The following WDR49 variants were observed in gnomAD, a reference collection of about 807,000 sequenced individuals.
WDR49 encodes cilia- and flagella-associated protein 337.
A neutral mutation model predicts 119.5 loss-of-function variants in WDR49; 107 were observed. The ratio of observed to expected loss-of-function variants is 0.90; its 90% confidence interval spans 0.77 to 1.05. The LOEUF (loss-of-function observed/expected upper bound fraction) is 1.05. Among genes scored for constraint, WDR49 ranks in the 50% least tolerant of loss-of-function variants. The pLI is 0.00. For missense variants in WDR49, 1,240 were observed against 1,220.5 expected, an observed-to-expected ratio of 1.02 and a Z score of -0.24; for synonymous variants, 425 against 418.8, an observed-to-expected ratio of 1.01 and a Z score of -0.18.
intron 3 of WDR49, among the ~76,000 whole-genome samples, chr3:167,626,595 A>C (rs893233578): frequency 1.3e-5 from 2 of 152,080 alleles, no homozygotes; most frequent in Non-Finnish European, 2.9e-5. Context: ...GTCCTGCTGT[A>C]AACTATACAG....
intron 2 of WDR49, among the ~76,000 whole-genome samples, chr3:167,632,191 T>A (rs1307765415): frequency 6.6e-6 from 1 of 152,136 alleles, no homozygotes; most frequent in Non-Finnish European, 1.5e-5. Flanking sequence ...GCAGGATCTC[T>A]ATATTTTCTT....
At chr3:167,530,083 T>A (rs1339470332) in intron 13 of WDR49, among the ~76,000 whole-genome samples, 1 of 152,034 alleles carries the variant, frequency 6.6e-6, no homozygotes, top group Non-Finnish European at 1.5e-5. Context: ...ATATTGTGAG[T>A]ATAAGCAAGT....
intron 15 of WDR49, among the ~76,000 whole-genome samples, chr3:167,527,164 C>T (rs1752666195): frequency 2.0e-5 from 3 of 152,034 alleles, no homozygotes; most frequent in African/African-American, 7.2e-5. Flanking sequence ...GAGTTAAAAA[C>T]AAAACTCTAC....
intron 10 of WDR49, among the ~76,000 whole-genome samples, chr3:167,540,262 T>G (rs1418007893): frequency 6.6e-6 from 1 of 152,128 alleles, no homozygotes; most frequent in Admixed American, 6.5e-5. Flanking sequence ...TAAATATATC[T>G]ACAAGGACTC....
intron 5 of WDR49, among the ~76,000 whole-genome samples, chr3:167,618,512 G>C (rs765789950): frequency 2.0e-5 from 3 of 152,086 alleles, no homozygotes; most frequent in Non-Finnish European, 2.9e-5. Flanking sequence ...TTATCTGCTT[G>C]ATTATAATGA....
chr3:167,598,309 A>C (rs923886265), intron 7 of WDR49, among the ~76,000 whole-genome samples: 1 of 152,070 alleles, frequency 6.6e-6, no homozygotes, highest in Non-Finnish European at 1.5e-5. Context: ...CATCTCAAAA[A>C]AAAAAAGAAG....
At chr3:167,621,317 G>T in intron 4 of WDR49, 150 bp downstream of exon 4, 2 of 814,956 alleles carry the variant, frequency 2.5e-6, no homozygotes, top group Non-Finnish European at 3.5e-6. Flanking sequence ...GACAAATTGT[G>T]ACCTAATCCA....
chr3:167,503,633 T>C (rs1253673544), intron 17 of WDR49, among the ~76,000 whole-genome samples: 2 of 151,932 alleles, frequency 1.3e-5, no homozygotes, highest in Non-Finnish European at 2.9e-5. Context: ...CAGCAATGAG[T>C]GCCTTGCTGG....
intron 6 of WDR49, among the ~76,000 whole-genome samples, chr3:167,603,613 A>T (rs1176472230): frequency 6.6e-6 from 1 of 152,108 alleles, no homozygotes; most frequent in Non-Finnish European, 1.5e-5. Flanking sequence ...CTACCCTATT[A>T]ATTTTTCAAT....
rs1333372570 is a variant in WDR49, at chr3:167,531,116, T to C, written c.2217A>G (p.Thr739=). The C allele has an allele frequency of 1.3e-5, 21 of 1,608,234 alleles. No homozygotes were observed. The highest frequency in any genetic ancestry group is 1.8e-5 in the Non-Finnish European group (21 of 1,178,278). Residue 739 remains threonine, a splice_region_variant and synonymous_variant, in exon 13 of 19, where the codon ACA becomes ACG. Coordinates refer to ENST00000682715, the MANE Select transcript of WDR49 (RefSeq NM_001366157.1). ...GTAAAATGTAAATATATATTTTACC[T>C]GTCACTGCAGTGTTTTTTCTTGCTT... ...FLKARKNTAV[T]GGANLVSCGG...
At chr3:167,525,661 C>T (rs1752604832) in intron 15 of WDR49, among the ~76,000 whole-genome samples, 1 of 152,064 alleles carries the variant, frequency 6.6e-6, no homozygotes, top group South Asian at 2.1e-4. Flanking sequence ...TCTTCTTATC[C>T]CACAATCACC....
chr3:167,617,542 A>T (rs921095934), intron 5 of WDR49, among the ~76,000 whole-genome samples: 9 of 152,162 alleles, frequency 5.9e-5, no homozygotes, highest in African/African-American at 2.2e-4. Context: ...ACAAACAAAG[A>T]AACAAACCTT....
At chr3:167,646,069 G>T (rs1030531045) in intron 2 of WDR49, among the ~76,000 whole-genome samples, 5 of 152,104 alleles carry the variant, frequency 3.3e-5, no homozygotes, top group Non-Finnish European at 5.9e-5. Context: ...CATCTGGTAG[G>T]CCCTAAAACA....
intron 11 of WDR49, among the ~76,000 whole-genome samples, 169 bp downstream of exon 11, chr3:167,536,701 A>G (rs1381677415): frequency 8.3e-6 from 1 of 120,658 alleles, no homozygotes; most frequent in Non-Finnish European, 1.7e-5. Flanking sequence ...ATATATATAT[A>G]TATACACACA....
intron 17 of WDR49, among the ~76,000 whole-genome samples, chr3:167,504,062 T>C (rs976599226): frequency 1.3e-5 from 2 of 152,174 alleles, no homozygotes; most frequent in African/African-American, 4.8e-5. Context: ...GGATTGTTAG[T>C]CGGCCTAGGA....
At chr3:167,546,236 T>C (rs762583409) in intron 10 of WDR49, among the ~76,000 whole-genome samples, 1 of 151,970 alleles carries the variant, frequency 6.6e-6, no homozygotes, top group Non-Finnish European at 1.5e-5. Context: ...AAAATCTTTC[T>C]TATAACATGA....
chr3:167,530,377 C>G (rs1260920600), intron 13 of WDR49, among the ~76,000 whole-genome samples: 2 of 151,850 alleles, frequency 1.3e-5, no homozygotes, highest in African/African-American at 4.8e-5. Flanking sequence ...AAAAAATATA[C>G]ATTATTCTCC....
At chr3:167,517,353 A>C (rs531840854) in intron 16 of WDR49, among the ~76,000 whole-genome samples, 27 of 152,060 alleles carry the variant, frequency 1.8e-4, no homozygotes, top group Admixed American at 1.4e-3. Flanking sequence ...ATAGAGAACT[A>C]AGAAATAAGA....
At chr3:167,572,058 G>A (rs1297377983) in intron 8 of WDR49, among the ~76,000 whole-genome samples, 2 of 152,162 alleles carry the variant, frequency 1.3e-5, no homozygotes, top group Non-Finnish European at 2.9e-5. Flanking sequence ...ATTCATGAGT[G>A]TTCTTTTGTT....
Sources: gnomAD v4.1 joint callset for allele counts (sites outside exome capture counted in the v4.1 genomes callset) on GRCh38, gnomAD v4.1.1 for gene constraint, MANE v1.5 for transcripts, NCBI Gene and HGNC (gene_info 2026-07-23, HGNC 2026-07-21) for gene names.